The following TSC22D2 variants were observed in gnomAD, a reference collection of about 807,000 sequenced individuals.
TSC22D2 encodes TSC22 domain family protein 2.
In TSC22D2, 5 loss-of-function variants were observed where a neutral mutation model predicts 50.1. That is an observed-to-expected ratio of 0.10 (90% CI 0.05 to 0.21). The LOEUF is 0.21. Ranked by LOEUF, TSC22D2 falls within the 10% of genes least tolerant of loss-of-function variation. The pLI, the probability that TSC22D2 is intolerant of heterozygous loss-of-function variation, is 1.00. For synonymous variants in TSC22D2, 501 were observed against 450.1 expected (o/e 1.11, Z -1.43); for missense variants, 1,003 against 1,015.5 (o/e 0.99, Z 0.17).
In TSC22D2 at chr3:150,458,956, C is replaced by T. The variant is rs532525809; in HGVS notation, c.*320C>T. ...GGTGGCTCTCCCATGTTTCCTATTA[C>T]CCATGGATTTACCCTGAGCCTTCCT... is the stretch of plus-strand genomic sequence containing the variant. On this transcript the variant is annotated 3_prime_UTR_variant, in exon 3 of 3. Transcript: ENST00000688009. The T allele has an allele frequency of 1.7e-5, 4 of 235,846 alleles. No homozygotes were observed. In the East Asian group the frequency reaches 2.6e-4, roughly 15 times the overall value. 14.6% of individuals were successfully genotyped at this position (235,846 alleles called of 1,614,324 possible). A position where few individuals can be genotyped will look rare whatever the true frequency, so the allele number is the denominator to read the frequency against.
At chr3:150,413,590 T>TAA (rs200133245) in intron 1 of TSC22D2, among the ~76,000 whole-genome samples, 4 of 138,028 alleles carry the variant, frequency 2.9e-5, no homozygotes, top group Admixed American at 7.3e-5. Flanking sequence ...AAGCTTTGGT[T>TAA]AAAAAAAAAA....
intron 1 of TSC22D2, among the ~76,000 whole-genome samples, chr3:150,425,602 T>G (rs899059132): frequency 3.3e-5 from 5 of 152,272 alleles, no homozygotes; most frequent in African/African-American, 4.8e-5. Context: ...GAGGCATAAA[T>G]TTGTCTCGCT....
intron 1 of TSC22D2, among the ~76,000 whole-genome samples, chr3:150,424,679 A>G (rs1043090075): frequency 5.3e-5 from 8 of 152,252 alleles, no homozygotes; most frequent in Middle Eastern, 6.8e-3. Context: ...TTGCGTATCT[A>G]TGGTTTCTCA....
In TSC22D2 at chr3:150,408,511, T is replaced by C. The variant is rs1719334093; in HGVS notation, c.-840T>C. The C allele has an allele frequency of 6.6e-6, 1 of 152,388 alleles. No individual in the cohort carries two copies. Among genetic ancestry groups the C allele is most frequent in the Admixed American group, 6.5e-5 (1 of 15,282 alleles). 9.4% of individuals were successfully genotyped at this position (152,388 alleles called of 1,614,324 possible). A position where few individuals can be genotyped will look rare whatever the true frequency, so the allele number is the denominator to read the frequency against. ...CACAGCCGGGGCGCCTCCGGTCCCG[T>C]GCCAGCGGTCTGCCGCCGCCGCCCC... On this transcript the variant is annotated 5_prime_UTR_variant, in exon 1 of 3. Transcript: ENST00000688009.
At position 150,440,993 on chromosome 3, in the gene TSC22D2, G is replaced by A. The variant is rs948701183; in HGVS notation, c.1959-16083G>A. On this transcript the variant is annotated intron_variant, in intron 1 of 2. Transcript: ENST00000688009. ...CCACGATTAAAAATGCACAAACAAC[G>A]TGATAGGTCATCAGAATATGAGAAT... 1.8e-3 allele frequency among the ~76,000 whole-genome samples: 271 copies of A among 150,806 alleles called. 1 individual carries two copies. Among genetic ancestry groups the A allele is most frequent in the African/African-American group, 6.2e-3 (258 of 41,306 alleles).
intron 1 of TSC22D2, among the ~76,000 whole-genome samples, chr3:150,440,809 C>CA (rs1720689744): frequency 1.3e-5 from 2 of 151,854 alleles, no homozygotes; most frequent in South Asian, 4.1e-4. Flanking sequence ...TTTTACTCTC[C>CA]AATGAGCTCC....
At chr3:150,436,116 T>A (rs2108084249) in intron 1 of TSC22D2, among the ~76,000 whole-genome samples, 1 of 152,324 alleles carries the variant, frequency 6.6e-6, no homozygotes, top group South Asian at 2.1e-4. Flanking sequence ...TGGTAACAAC[T>A]AATTTTGAAA....
intron 2 of TSC22D2, 37 bp from the exon 3 acceptor site, chr3:150,458,339 T>C (rs1422862668): frequency 1.3e-6 from 2 of 1,590,130 alleles, no homozygotes; most frequent in East Asian, 2.2e-5. Context: ...CCTTTATCTT[T>C]TCACTCTTTT....
chr3:150,429,128 CT>C (rs1356598931), intron 1 of TSC22D2, among the ~76,000 whole-genome samples: 1 of 152,018 alleles, frequency 6.6e-6, no homozygotes, highest in African/African-American at 2.4e-5. Flanking sequence ...AACTATTCTG[CT>C]TTTTTAGGGA....
At chr3:150,434,583 G>T (rs889912644) in intron 1 of TSC22D2, among the ~76,000 whole-genome samples, 3 of 151,772 alleles carry the variant, frequency 2.0e-5, no homozygotes, top group Non-Finnish European at 4.4e-5. Flanking sequence ...TTTTTCCTTT[G>T]CCTTCTTTCT....
At position 150,409,298 on chromosome 3, in the gene TSC22D2, C is replaced by T; in HGVS notation, c.-53C>T. Reference sequence around the variant, plus strand: ...CCCGTGCTCTGCCCTCCCCGGTTTCCGACAGGACCCAGAGGAGCCGGCGTG... The same window carrying T: ...CCCGTGCTCTGCCCTCCCCGGTTTCTGACAGGACCCAGAGGAGCCGGCGTG... On this transcript the variant is annotated 5_prime_UTR_variant, in exon 1 of 3. Transcript: ENST00000688009. The surrounding 1 kb of genome is among the most constrained non-coding windows in gnomAD (Gnocchi z 7.4). The T allele has an allele frequency of 2.0e-6, 3 of 1,530,172 alleles. No homozygotes were observed. The highest frequency in any genetic ancestry group is 1.8e-6 in the Non-Finnish European group (2 of 1,136,118). The allele number at this position is 1,530,172 out of a possible 1,614,324, so 94.8% of individuals were successfully genotyped here.
chr3:150,456,180 G>GTTTTTTTTTTTTT (rs10603156), intron 1 of TSC22D2, among the ~76,000 whole-genome samples: 1 of 140,820 alleles, frequency 7.1e-6, no homozygotes, highest in Non-Finnish European at 1.5e-5. Context: ...GTTTCTTTTT[G>GTTTTTTTTTTTTT]TTTTTTTTTT....
At chr3:150,435,403 T>C (rs1303358758) in intron 1 of TSC22D2, among the ~76,000 whole-genome samples, 1 of 152,238 alleles carries the variant, frequency 6.6e-6, no homozygotes, top group East Asian at 1.9e-4. Flanking sequence ...TTTTTCAATA[T>C]ATATAACCTA....
intron 1 of TSC22D2, among the ~76,000 whole-genome samples, chr3:150,421,349 A>G (rs1720001347): frequency 2.0e-5 from 3 of 152,198 alleles, no homozygotes; most frequent in Non-Finnish European, 1.5e-5. Context: ...ACAACCAAAA[A>G]AAAAACCAGA....
chr3:150,417,128 C>CT (rs1287413210), intron 1 of TSC22D2, among the ~76,000 whole-genome samples: 4 of 152,098 alleles, frequency 2.6e-5, no homozygotes, highest in African/African-American at 4.8e-5. Context: ...CTTAAAGCTT[C>CT]TTTTCCCATA....
At chr3:150,442,682 G>A (rs1301936671) in intron 1 of TSC22D2, among the ~76,000 whole-genome samples, 2 of 152,172 alleles carry the variant, frequency 1.3e-5, no homozygotes, top group East Asian at 1.9e-4. Context: ...TCATATCTCG[G>A]TTTTGGTGCA....
chr3:150,434,583 G>C (rs889912644), intron 1 of TSC22D2, among the ~76,000 whole-genome samples: 2 of 151,772 alleles, frequency 1.3e-5, no homozygotes, highest in Non-Finnish European at 2.9e-5. Context: ...TTTTTCCTTT[G>C]CCTTCTTTCT....
intron 1 of TSC22D2, among the ~76,000 whole-genome samples, chr3:150,445,872 G>A (rs1201711974): frequency 1.3e-5 from 2 of 152,048 alleles, no homozygotes; most frequent in Admixed American, 1.3e-4. Flanking sequence ...GAGACAGGTG[G>A]ATGACAAGGT....
chr3:150,418,870 G>T (rs1719913602), intron 1 of TSC22D2, among the ~76,000 whole-genome samples: 1 of 151,928 alleles, frequency 6.6e-6, no homozygotes, highest in South Asian at 2.1e-4. Flanking sequence ...ATAATCTTAT[G>T]ATAAAGCTGT....
Sources: allele counts gnomAD v4.1 joint callset (sites outside exome capture counted in the v4.1 genomes callset), GRCh38; gene constraint gnomAD v4.1.1; non-coding constraint Gnocchi (gnomAD v3.1); transcripts MANE v1.5; gene names NCBI Gene and HGNC (gene_info 2026-07-23, HGNC 2026-07-21).